MACROD2: variants seen among roughly 807,000 people sequenced by gnomAD.
MACROD2 encodes the protein mono-ADP ribosylhydrolase 2.
MACROD2 carries 36 observed loss-of-function variants against 70.4 expected under a neutral mutation model. The observed-to-expected ratio is 0.51, with a 90% CI of 0.39 to 0.68. MACROD2 has a LOEUF of 0.68. Ranked by LOEUF, MACROD2 falls within the 30% of genes least tolerant of loss-of-function variation. The pLI, the probability that MACROD2 is intolerant of heterozygous loss-of-function variation, is 0.00. For synonymous variants in MACROD2, 172 were observed against 178.8 expected (o/e 0.96, Z 0.30); for missense variants, 496 against 538.4 (o/e 0.92, Z 0.78).
intron 5 of MACROD2, among the ~76,000 whole-genome samples, chr20:15,097,725 A>G (rs1002297714): frequency 6.6e-6 from 1 of 152,178 alleles, no homozygotes; most frequent in Non-Finnish European, 1.5e-5. Context: ...TGCTTTAGTG[A>G]TAGTATTTTC....
intron 6 of MACROD2, among the ~76,000 whole-genome samples, chr20:15,423,063 T>A (rs1020847911): frequency 7.4e-5 from 11 of 148,526 alleles, no homozygotes; most frequent in African/African-American, 2.7e-4. Context: ...AAGCATTACT[T>A]GTTATGATAG....
intron 3 of MACROD2, among the ~76,000 whole-genome samples, chr20:14,365,719 C>T (rs2083265747): frequency 6.6e-6 from 1 of 152,002 alleles, no homozygotes; most frequent in East Asian, 1.9e-4. Context: ...GATTTCAGAT[C>T]ATTCTTTTTT....
intron 5 of MACROD2, among the ~76,000 whole-genome samples, chr20:15,146,908 T>C (rs1790323521): frequency 1.3e-5 from 2 of 152,210 alleles, no homozygotes; most frequent in Admixed American, 6.5e-5. Flanking sequence ...TTTGTCATCA[T>C]GATTAATCAT....
intron 5 of MACROD2, among the ~76,000 whole-genome samples, chr20:14,889,383 T>C (rs1418603045): frequency 6.6e-6 from 1 of 151,912 alleles, no homozygotes; most frequent in Non-Finnish European, 1.5e-5. Context: ...TAAAATTACA[T>C]AGAATGCTTG....
intron 5 of MACROD2, among the ~76,000 whole-genome samples, chr20:14,837,237 C>A (rs1041049221): frequency 2.6e-5 from 4 of 151,864 alleles, no homozygotes; most frequent in Non-Finnish European, 1.5e-5. Flanking sequence ...TTTCCAAAGA[C>A]CATAGAATGG....
At chr20:14,914,562 TCTC>T (rs1319106165) in intron 5 of MACROD2, among the ~76,000 whole-genome samples, 1 of 152,168 alleles carries the variant, frequency 6.6e-6, no homozygotes, top group Admixed American at 6.5e-5. Context: ...ACAATGTGAT[TCTC>T]CTAAGAAACC....
intron 4 of MACROD2, among the ~76,000 whole-genome samples, chr20:14,569,899 G>C (rs1342413553): frequency 1.3e-5 from 2 of 151,960 alleles, no homozygotes; most frequent in Non-Finnish European, 2.9e-5. Flanking sequence ...GCAGTGTAAA[G>C]CATGGGAGGA....
intron 5 of MACROD2, among the ~76,000 whole-genome samples, chr20:14,876,645 G>C (rs987078364): frequency 6.6e-6 from 1 of 152,112 alleles, no homozygotes; most frequent in African/African-American, 2.4e-5. Flanking sequence ...TTTTGTATAT[G>C]ATGAAAGGTG....
intron 2 of MACROD2, among the ~76,000 whole-genome samples, chr20:14,044,691 G>C (rs572332155): frequency 6.6e-6 from 1 of 152,304 alleles, no homozygotes; most frequent in Non-Finnish European, 1.5e-5. Context: ...GTGCTGATTG[G>C]TGTGTTTACA....
At chr20:15,767,498 C>T (rs113652484) in intron 8 of MACROD2, among the ~76,000 whole-genome samples, 3,106 of 152,290 alleles carry the variant, frequency 0.02, 108 homozygotes, top group African/African-American at 0.071. Flanking sequence ...CTCATGCTGA[C>T]AAGCCATCCT....
intron 2 of MACROD2, among the ~76,000 whole-genome samples, chr20:14,072,307 A>G (rs2053855824): frequency 6.6e-6 from 1 of 152,112 alleles, no homozygotes; most frequent in South Asian, 2.1e-4. Context: ...TTTTGCCACT[A>G]AAGGAAGAGA....
At chr20:15,357,160 C>T (rs1181421441) in intron 6 of MACROD2, among the ~76,000 whole-genome samples, 3 of 151,994 alleles carry the variant, frequency 2.0e-5, no homozygotes, top group Non-Finnish European at 4.4e-5. Flanking sequence ...TATCGTTATC[C>T]AGCCATGAGA....
chr20:16,038,016 T>C (rs547857534), intron 15 of MACROD2, among the ~76,000 whole-genome samples: 1 of 151,748 alleles, frequency 6.6e-6, no homozygotes, highest in African/African-American at 2.4e-5. Flanking sequence ...CTCTGAAAAA[T>C]ATTTTATTTC....
At chr20:14,186,295 A>G (rs1396928679) in intron 3 of MACROD2, among the ~76,000 whole-genome samples, 1 of 152,182 alleles carries the variant, frequency 6.6e-6, no homozygotes, top group Non-Finnish European at 1.5e-5. Context: ...CTTGGTGGTT[A>G]AGGAATGTGG....
chr20:14,117,069 A>G (rs957212284), intron 3 of MACROD2, among the ~76,000 whole-genome samples: 5 of 143,650 alleles, frequency 3.5e-5, no homozygotes, highest in Non-Finnish European at 7.8e-5. Flanking sequence ...CCATCTCAAA[A>G]AAAAAAAAAA....
chr20:14,461,531 G>A (rs6110298), intron 3 of MACROD2, among the ~76,000 whole-genome samples: 1 of 151,334 alleles, frequency 6.6e-6, no homozygotes, highest in African/African-American at 2.4e-5. Flanking sequence ...TTAAGTTTTA[G>A]GATACATGTC....
intron 6 of MACROD2, among the ~76,000 whole-genome samples, chr20:15,246,321 C>G (rs1410074381): frequency 6.6e-6 from 1 of 152,082 alleles, no homozygotes; most frequent in Non-Finnish European, 1.5e-5. Flanking sequence ...CACATCACTT[C>G]CTTTCCCTGA....
chr20:15,715,330 C>T (rs1346915704), intron 8 of MACROD2, among the ~76,000 whole-genome samples: 2 of 152,038 alleles, frequency 1.3e-5, no homozygotes, highest in East Asian at 3.9e-4. Flanking sequence ...GTCAGCTCTA[C>T]CAAAGAGAAT....
intron 5 of MACROD2, chr20:14,850,041 T>C (rs2122309235): frequency 2.0e-6 from 1 of 501,774 alleles, no homozygotes; most frequent in Non-Finnish European, 3.9e-6. Context: ...GTTAGGATTG[T>C]TACAGATCAC....
Sources: gnomAD v4.1 joint callset for allele counts (sites outside exome capture counted in the v4.1 genomes callset) on GRCh38, gnomAD v4.1.1 for gene constraint, MANE v1.5 for transcripts, NCBI Gene and HGNC (gene_info 2026-07-23, HGNC 2026-07-21) for gene names.